ADAMTS18: variants seen among roughly 807,000 people sequenced by gnomAD.
ADAMTS18 encodes the protein A disintegrin and metalloproteinase with thrombospondin motifs 18.
A neutral mutation model predicts 165.9 loss-of-function variants in ADAMTS18; 157 were observed. The ratio of observed to expected loss-of-function variants is 0.95; its 90% CI spans 0.83 to 1.08. The LOEUF (loss-of-function observed/expected upper bound fraction) is 1.08, where lower values mean the gene tolerates loss of function less well. Ranked by LOEUF, ADAMTS18 falls within the 50% of genes least tolerant of loss-of-function variation. ADAMTS18 has a pLI of 0.00. For synonymous variants in ADAMTS18, 782 were observed against 578.2 expected (o/e 1.35, Z -5.06); for missense variants, 2,040 against 1,534.0 (o/e 1.33, Z -5.51).
At chr16:77,292,089 T>G (rs899096933) in intron 20 of ADAMTS18, among the ~76,000 whole-genome samples, 5 of 152,128 alleles carry the variant, frequency 3.3e-5, no homozygotes, top group Admixed American at 2.6e-4. Flanking sequence ...GTGGATCACT[T>G]GAGCCCAGGA....
intron 12 of ADAMTS18, among the ~76,000 whole-genome samples, chr16:77,335,270 T>TA (rs560255934): frequency 0.032 from 3,777 of 116,564 alleles, 167 homozygotes; most frequent in African/African-American, 0.11. Flanking sequence ...ATGTGAGAGC[T>TA]AAAAAAAAAA....
chr16:77,355,067 T>C (rs948812058), intron 9 of ADAMTS18, among the ~76,000 whole-genome samples: 1 of 152,178 alleles, frequency 6.6e-6, no homozygotes, highest in Non-Finnish European at 1.5e-5. Flanking sequence ...TTGCAAATAA[T>C]ACACAGTGGT....
chr16:77,341,848 A>G, intron 10 of ADAMTS18, 49 bp from the exon 11 acceptor site: 3 of 1,317,234 alleles, frequency 2.3e-6, no homozygotes, highest in Non-Finnish European at 3.2e-6. Context: ...ATACAATAAA[A>G]ACAAAAATAT....
rs753494733 is a variant in ADAMTS18, at chr16:77,329,367, T to A, written c.1860-3329A>T. Among the ~76,000 whole-genome samples the A allele has an allele frequency of 5.3e-4, 80 of 152,120 alleles. 1 individual carries two copies. Among genetic ancestry groups the A allele is most frequent in the Non-Finnish European group, 2.2e-4 (15 of 68,026 alleles). Reference sequence around the variant, plus strand: ...ATCCTTCTGCCTTGGCCTTCCCAAGTGCTGGAATTACAAGCATGATCCATC... The same window carrying A: ...ATCCTTCTGCCTTGGCCTTCCCAAGAGCTGGAATTACAAGCATGATCCATC... On this transcript the variant is annotated intron_variant, in intron 12 of 22. Transcript: ENST00000282849.
chr16:77,310,712 C>T (rs544473086), intron 16 of ADAMTS18, among the ~76,000 whole-genome samples: 57 of 152,140 alleles, frequency 3.7e-4, no homozygotes, highest in Admixed American at 1.8e-3. Context: ...ACTGCAGTCT[C>T]AGCCTCCTGG....
In ADAMTS18 at chr16:77,284,080, A is replaced by G. The variant is rs1481734105; in HGVS notation, c.3551-9T>C. On this transcript the variant is annotated splice_polypyrimidine_tract_variant and intron_variant, in intron 22 of 22. Transcript: ENST00000282849. ...TACGCAGGATGGATCCTCTAAAATA[A>G]GAAAATATATTTAGCATGTTGGCTA... 2.5e-6 allele frequency: 4 copies of G among 1,584,794 alleles called. No individual in the cohort carries two copies. The highest frequency in any genetic ancestry group is 2.7e-5 in the African/African-American group (2 of 74,212).
At chr16:77,423,169 A>G (rs17621255) in intron 3 of ADAMTS18, among the ~76,000 whole-genome samples, 20,667 of 152,234 alleles carry the variant, frequency 0.14, 1,613 homozygotes, top group Middle Eastern at 0.18. Flanking sequence ...AACTACTTAT[A>G]ACGCCAGCTT....
At chr16:77,302,638 G>A (rs538660774) in intron 16 of ADAMTS18, among the ~76,000 whole-genome samples, 1 of 152,112 alleles carries the variant, frequency 6.6e-6, no homozygotes, top group East Asian at 1.9e-4. Context: ...CTGCCATAGG[G>A]GAACAGATCC....
intron 14 of ADAMTS18, 76 bp from the exon 15 acceptor site, chr16:77,321,278 G>C (rs1045872962): frequency 1.6e-5 from 25 of 1,577,414 alleles, no homozygotes; most frequent in Non-Finnish European, 2.2e-5. Context: ...AGAGGTATAT[G>C]GTTCTCTGTA....
intron 16 of ADAMTS18, among the ~76,000 whole-genome samples, chr16:77,300,930 C>G (rs1039711570): frequency 6.6e-6 from 1 of 152,168 alleles, no homozygotes; most frequent in Non-Finnish European, 1.5e-5. Context: ...CCACAGAATA[C>G]CCCCACTTAG....
intron 5 of ADAMTS18, 60 bp from the exon 6 acceptor site, chr16:77,363,945 A>C (rs2056753876): frequency 6.7e-7 from 1 of 1,490,522 alleles, no homozygotes; most frequent in African/African-American, 1.4e-5. Flanking sequence ...AGGGGGAATC[A>C]ATCAGACATA....
rs1401110671 is a variant in ADAMTS18 at position 77,364,313 on chromosome 16, T to C, written c.847A>G (p.Arg283Gly). Residue 283 changes from arginine (R) to glycine (G), a missense_variant, in exon 5 of 23, where the codon AGA becomes GGA. Transcript: ENST00000282849. Reference sequence around the variant, plus strand: ...TTTTGTGATTTTCCAGCTGATCTTCTGGGTCGCCCAGAGCTCCCATATTCA... The same window carrying C: ...TTTTGTGATTTTCCAGCTGATCTTCCGGGTCGCCCAGAGCTCCCATATTCA... ...FDEYGSSGRP[R>G]RSAGKSQKGL... 1 of 1,614,022 alleles carries C rather than the reference T, an allele frequency of 6.2e-7. No individual in the cohort carries two copies. The highest frequency in any genetic ancestry group is 1.3e-5 in the African/African-American group (1 of 74,990).
chr16:77,306,738 T>C (rs573058448), intron 16 of ADAMTS18, among the ~76,000 whole-genome samples: 45 of 152,324 alleles, frequency 3.0e-4, no homozygotes, highest in African/African-American at 8.2e-4. Context: ...AGGCAAAGCA[T>C]TGTACATGCA....
intron 9 of ADAMTS18, among the ~76,000 whole-genome samples, chr16:77,355,343 T>C (rs2056613764): frequency 6.6e-6 from 1 of 152,138 alleles, no homozygotes. Flanking sequence ...GCATTTTATA[T>C]AGCTACCATC....
At chr16:77,357,933 T>G (rs906632316) in intron 8 of ADAMTS18, among the ~76,000 whole-genome samples, 2 of 152,224 alleles carry the variant, frequency 1.3e-5, no homozygotes, top group African/African-American at 4.8e-5. Context: ...GATTTTGATT[T>G]TGGATAATTT....
chr16:77,286,806 C>T (rs2055260760), intron 22 of ADAMTS18, among the ~76,000 whole-genome samples: 2 of 152,108 alleles, frequency 1.3e-5, no homozygotes, highest in South Asian at 4.1e-4. Flanking sequence ...AGTTTCAATG[C>T]AGTGTGACAC....
intron 3 of ADAMTS18, among the ~76,000 whole-genome samples, chr16:77,421,378 T>C (rs2057600641): frequency 6.6e-6 from 1 of 152,258 alleles, no homozygotes; most frequent in Admixed American, 6.5e-5. Flanking sequence ...ACTCCTGGGT[T>C]TGTTCACAGA....
At chr16:77,308,159 A>G (rs1053964925) in intron 16 of ADAMTS18, among the ~76,000 whole-genome samples, 4 of 152,174 alleles carry the variant, frequency 2.6e-5, no homozygotes, top group Admixed American at 6.5e-5. Context: ...TCTGCTAAAC[A>G]TAGAGAAAAA....
At chr16:77,317,960 T>A (rs2055917698) in intron 16 of ADAMTS18, among the ~76,000 whole-genome samples, 1 of 152,188 alleles carries the variant, frequency 6.6e-6, no homozygotes, top group Non-Finnish European at 1.5e-5. Flanking sequence ...CTGAGATGAT[T>A]GAGGACACAG....
Sources: allele counts gnomAD v4.1 joint callset (sites outside exome capture counted in the v4.1 genomes callset), GRCh38; gene constraint gnomAD v4.1.1; transcripts MANE v1.5; gene names NCBI Gene and HGNC (gene_info 2026-07-23, HGNC 2026-07-21).